Variants in WDR20 observed in about 807,000 individuals in gnomAD.
The protein encoded by WDR20 is WD repeat domain 20.
A neutral mutation model predicts 38.7 loss-of-function variants in WDR20; 3 were observed. That is an observed-to-expected ratio of 0.08 (90% CI 0.04 to 0.20). WDR20 has a LOEUF of 0.20. Among genes scored for constraint, WDR20 ranks in the 10% least tolerant of loss-of-function variants. WDR20 has a pLI of 1.00. For synonymous variants in WDR20, 298 were observed against 285.6 expected (o/e 1.04, Z -0.44); for missense variants, 559 against 727.7 (o/e 0.77, Z 2.67).
At chr14:102,197,915 C>A in intron 2 of WDR20, 1 of 663,236 alleles carries the variant, frequency 1.5e-6, no homozygotes, top group Non-Finnish European at 2.8e-6. Flanking sequence ...TGACTACCTA[C>A]CACATGCCCA....
chr14:102,216,796 G>C (rs1032378601), downstream of WDR20, among the ~76,000 whole-genome samples: 2 of 152,142 alleles, frequency 1.3e-5, no homozygotes, highest in Non-Finnish European at 2.9e-5. Flanking sequence ...CGGGCGTGGT[G>C]GCGGGCGCCT....
chr14:102,223,271 A>G (rs1385966907), exon 4 of WDR20: 1 of 153,576 alleles, frequency 6.5e-6, no homozygotes, highest in African/African-American at 2.4e-5. Flanking sequence ...TTTTGCACTG[A>G]TTTTTCTATA....
Position 102,209,330 on chromosome 14 carries a change from T to A in WDR20, c.1160T>A (p.Ile387Asn). The A allele has an allele frequency of 6.2e-7, 1 of 1,614,074 alleles. No homozygotes were observed. Among genetic ancestry groups the A allele is most frequent in the Non-Finnish European group, 8.5e-7 (1 of 1,180,026 alleles). ...QLCLWDLTED[I>N]LFPHQPLSRA... is the part of the protein sequence containing the mutation. ...TGTTTATGGGACCTTACAGAAGATATCCTTTTCCCTCACCAACCCCTCTCA... is the reference window on the plus strand; with the variant it reads ...TGTTTATGGGACCTTACAGAAGATAACCTTTTCCCTCACCAACCCCTCTCA... The change falls in exon 3 of 3, where the codon ATC becomes AAC. Residue 387 changes from isoleucine to asparagine, a missense_variant. Physicochemically the swap from Ile to Asn is moderately radical, Grantham distance 149. Coordinates refer to ENST00000342702, the MANE Select transcript of WDR20 (RefSeq NM_144574.4). This position sits in a 1 kb window ranked among gnomAD's most constrained non-coding sequence, Gnocchi z 6.0.
At chr14:102,188,902 A>C (rs1319591430) in intron 1 of WDR20, among the ~76,000 whole-genome samples, 2 of 148,238 alleles carry the variant, frequency 1.3e-5, no homozygotes, top group African/African-American at 2.5e-5. Flanking sequence ...AAAATTCCAG[A>C]GATCTTAAGG....
downstream of WDR20, chr14:102,212,484 CT>C (rs1277638922): frequency 6.5e-7 from 1 of 1,535,062 alleles, no homozygotes; most frequent in Admixed American, 2.0e-5. Flanking sequence ...TCTGTGTCCA[CT>C]CTGCCCCTCT....
intron 2 of WDR20, among the ~76,000 whole-genome samples, chr14:102,202,704 TCA>T (rs1026932927): frequency 3.9e-5 from 6 of 151,992 alleles, no homozygotes; most frequent in African/African-American, 1.5e-4. Context: ...TTTCAGAGTT[TCA>T]CACACTCTTC....
In WDR20 at chr14:102,191,179, A is replaced by T. The variant is rs1388466541; in HGVS notation, c.250-3759A>T. The T allele has an allele frequency of 2.6e-5, 4 of 152,150 alleles. No individual in the cohort carries two copies. The East Asian group carries it at 7.7e-4, about 29-fold the overall frequency. The allele number at this position is 152,150 out of a possible 1,614,324, so 9.4% of individuals were successfully genotyped here. Reference sequence around the variant, plus strand: ...GGGCCTTTGATCTCCTATTAGTGAGAGGAAACTTGCACTTTGCCCAAGGCC... The same window carrying T: ...GGGCCTTTGATCTCCTATTAGTGAGTGGAAACTTGCACTTTGCCCAAGGCC... On this transcript the variant is annotated intron_variant, in intron 1 of 2. Transcript: ENST00000342702.
chr14:102,166,137 C>T (rs2059738677), intron 1 of WDR20, among the ~76,000 whole-genome samples: 2 of 142,154 alleles, frequency 1.4e-5, no homozygotes, highest in South Asian at 2.4e-4. Context: ...CCAGATTGGA[C>T]TATAGGCGTG....
At chr14:102,141,147 G>C (rs553249819) in intron 1 of WDR20, among the ~76,000 whole-genome samples, 2 of 152,290 alleles carry the variant, frequency 1.3e-5, no homozygotes, top group African/African-American at 4.8e-5. Flanking sequence ...TTTTGAGATT[G>C]TAGTCTTTGA....
intron 2 of WDR20, among the ~76,000 whole-genome samples, chr14:102,205,112 A>T (rs564949432): frequency 6.6e-6 from 1 of 152,286 alleles, no homozygotes; most frequent in East Asian, 1.9e-4. Flanking sequence ...ATTTTTAATC[A>T]GCTGGGTGTG....
chr14:102,166,039 T>A (rs1453274452), intron 1 of WDR20, among the ~76,000 whole-genome samples: 1 of 152,198 alleles, frequency 6.6e-6, no homozygotes, highest in East Asian at 1.9e-4. Flanking sequence ...TCACCCAGGC[T>A]GGAGTACAGT....
downstream of WDR20, chr14:102,224,467 AT>A: frequency 2.4e-6 from 1 of 410,670 alleles, no homozygotes; most frequent in Non-Finnish European, 4.8e-6. Context: ...AAGAATGTTT[AT>A]TTATTTTTTT....
At chr14:102,203,011 C>T (rs1170639039) in intron 2 of WDR20, among the ~76,000 whole-genome samples, 4 of 152,220 alleles carry the variant, frequency 2.6e-5, no homozygotes, top group South Asian at 2.1e-4. Context: ...CATTCTGCCA[C>T]GCTGCCCATG....
intron 1 of WDR20, among the ~76,000 whole-genome samples, chr14:102,186,605 G>T (rs1204130100): frequency 6.6e-6 from 1 of 152,002 alleles, no homozygotes. Context: ...CCTGGACTGT[G>T]GACTAATCAA....
chr14:102,158,855 G>A (rs527794627), intron 1 of WDR20, among the ~76,000 whole-genome samples: 212 of 152,072 alleles, frequency 1.4e-3, no homozygotes, highest in Admixed American at 2.9e-3. Flanking sequence ...TTGGCTAATC[G>A]GTATTCTCTG....
intron 1 of WDR20, among the ~76,000 whole-genome samples, chr14:102,156,946 G>A (rs1193619871): frequency 1.3e-5 from 2 of 152,160 alleles, no homozygotes; most frequent in Non-Finnish European, 2.9e-5. Context: ...GCGGAGATCC[G>A]CGCCGTTGCA....
In WDR20 at chr14:102,210,364, C is replaced by CT; in HGVS notation, c.*485dup. ...TCTTAATCATAAAATGTTTAGGAAT[C>CT]TATGAAATTTAACTTTAGGAACAAA... On this transcript the variant is annotated 3_prime_UTR_variant, in exon 3 of 3. Transcript: ENST00000342702. The CT allele has an allele frequency of 1.0e-6, 1 of 985,624 alleles. No homozygotes were observed. Among genetic ancestry groups the CT allele is most frequent in the Non-Finnish European group, 1.2e-6 (1 of 829,984 alleles). 61.1% of individuals were successfully genotyped at this position (985,624 alleles called of 1,614,324 possible).
In WDR20 at chr14:102,140,032, C is replaced by A. The variant is rs1391087719; in HGVS notation, c.109C>A (p.Arg37=). Residue 37 remains arginine, a synonymous_variant, in exon 1 of 3, where the codon CGG becomes AGG. Transcript: ENST00000342702. ...LPHSEYSRPN[R]VPFNSQGSNP... ...GCACTCGGAGTACAGCCGGCCCAAC[C>A]GGGTGCCCTTCAACTCGCAGGGATC... 3 of 1,614,232 alleles carry A rather than the reference C, an allele frequency of 1.9e-6. No individual in the cohort carries two copies. The highest frequency in any genetic ancestry group is 2.2e-5 in the South Asian group (2 of 91,088).
intron 1 of WDR20, among the ~76,000 whole-genome samples, chr14:102,141,915 T>C (rs1190585): frequency 1.9e-4 from 29 of 151,846 alleles, no homozygotes; most frequent in Non-Finnish European, 2.9e-5. Context: ...TACTTAAAAA[T>C]TTTTTTTTCT....
Sources: allele counts gnomAD v4.1 joint callset (sites outside exome capture counted in the v4.1 genomes callset), GRCh38; gene constraint gnomAD v4.1.1; non-coding constraint Gnocchi (gnomAD v3.1); transcripts MANE v1.5; gene names NCBI Gene and HGNC (gene_info 2026-07-23, HGNC 2026-07-21).